Variants in BCL7B observed in about 807,000 individuals in gnomAD.
BCL7B encodes the protein B-cell CLL/lymphoma 7 protein family member B.
BCL7B carries 11 observed loss-of-function variants against 26.5 expected under a neutral mutation model. The ratio of observed to expected loss-of-function variants is 0.42; its 90% CI spans 0.26 to 0.69. The LOEUF is 0.69. Ranked by LOEUF, BCL7B falls within the 30% of genes least tolerant of loss-of-function variation. BCL7B has a pLI of 0.28. For synonymous variants in BCL7B, 111 were observed against 107.9 expected, an observed-to-expected ratio of 1.03 and a Z score of -0.18; for missense variants, 215 against 264.4, an observed-to-expected ratio of 0.81 and a Z score of 1.30.
At chr7:73,551,663 G>A (rs1792177859) in intron 2 of BCL7B, among the ~76,000 whole-genome samples, 1 of 152,138 alleles carries the variant, frequency 6.6e-6, no homozygotes, top group Admixed American at 6.5e-5. Flanking sequence ...GCTGTAGTTT[G>A]TCAAGCCCTG....
chr7:73,556,977 G>C (rs1792384577), intron 1 of BCL7B: 1 of 988,442 alleles, frequency 1.0e-6, no homozygotes, highest in Non-Finnish European at 1.2e-6. Flanking sequence ...GGGAAAGGGA[G>C]GGGTATCCCT....
Position 73,537,239 on chromosome 7 carries a change from G to A in BCL7B, c.*59C>T. On this transcript the variant is annotated 3_prime_UTR_variant, in exon 6 of 6. Coordinates refer to ENST00000223368, the MANE Select transcript of BCL7B (RefSeq NM_001707.4). ...GCCCTTACCCCAGCAACGCGGCGCG[G>A]CCAGAACCAGAATGCAATAAATAGA... 1.9e-6 allele frequency: 3 copies of A among 1,561,842 alleles called. No homozygotes were observed. Among genetic ancestry groups the A allele is most frequent in the Non-Finnish European group, 1.8e-6 (2 of 1,135,096 alleles).
intron 4 of BCL7B, among the ~76,000 whole-genome samples, chr7:73,538,968 T>G (rs574573078): frequency 2.0e-5 from 3 of 152,094 alleles, no homozygotes; most frequent in African/African-American, 7.2e-5. Context: ...AACCTTTCTC[T>G]GTTTTTTTTT....
Position 73,543,614 on chromosome 7 carries a change from C to T in BCL7B, c.199G>A (p.Ala67Thr), listed in dbSNP as rs1478709662. The T allele has an allele frequency of 1.2e-6, 2 of 1,613,612 alleles. No homozygotes were observed. Among genetic ancestry groups the T allele is most frequent in the African/African-American group, 2.7e-5 (2 of 74,838 alleles). Reference protein sequence around the residue: ...KEKSKSNSSAAREPNGFPSDA... With the variant: ...KEKSKSNSSATREPNGFPSDA... The stretch of plus-strand genomic sequence containing the variant: ...GAAGGAAAGCCATTAGGTTCTCGGG[C>T]TGCTGAACTGTTCGATTTTGACTTT... The change falls in exon 3 of 6, where the codon GCC becomes ACC. Residue 67 changes from alanine to threonine, a missense_variant. By Grantham distance (58) the Ala-to-Thr change is moderately conservative (BLOSUM62 0). Transcript: ENST00000223368.
chr7:73,540,828 T>A (rs1423584694), intron 3 of BCL7B, among the ~76,000 whole-genome samples: 2 of 2,134 alleles, frequency 9.4e-4, no homozygotes, highest in Non-Finnish European at 1.9e-3. Flanking sequence ...AGACTCTGTC[T>A]CAAAAAAAAA....
intron 1 of BCL7B, among the ~76,000 whole-genome samples, chr7:73,554,233 G>GA (rs1210847269): frequency 6.6e-6 from 1 of 151,720 alleles, no homozygotes; most frequent in African/African-American, 2.4e-5. Context: ...GAAGTGCTGG[G>GA]ATTACAGGTG....
intron 2 of BCL7B, 82 bp from the exon 3 acceptor site, chr7:73,543,726 A>T: frequency 1.8e-6 from 2 of 1,127,560 alleles, no homozygotes; most frequent in Non-Finnish European, 2.7e-6. Context: ...GTGACAGACC[A>T]CAGAGGTCTG....
At chr7:73,541,996 G>A (rs1035255277) in intron 3 of BCL7B, among the ~76,000 whole-genome samples, 2 of 152,150 alleles carry the variant, frequency 1.3e-5, no homozygotes, top group East Asian at 1.9e-4. Context: ...ACACAGCCCC[G>A]ACATCACTTC....
chr7:73,537,677 C>T (rs1159646877), intron 5 of BCL7B, among the ~76,000 whole-genome samples: 1 of 152,076 alleles, frequency 6.6e-6, no homozygotes, highest in African/African-American at 2.4e-5. Context: ...CACTTGGGCT[C>T]AGGAGTTCGA....
chr7:73,557,413 T>C, intron 1 of BCL7B, 74 bp downstream of exon 1: 1 of 967,244 alleles, frequency 1.0e-6, no homozygotes, highest in South Asian at 3.8e-5. Context: ...GGCTCCCACC[T>C]GACCCGCCAG....
chr7:73,552,146 T>C (rs986574285), intron 2 of BCL7B, 21 bp downstream of exon 2: 26 of 1,586,648 alleles, frequency 1.6e-5, no homozygotes, highest in Non-Finnish European at 2.1e-5. Flanking sequence ...ATGGTATCTT[T>C]TGATTTTCTT....
At chr7:73,551,912 G>A (rs1792187512) in intron 2 of BCL7B, among the ~76,000 whole-genome samples, 1 of 151,468 alleles carries the variant, frequency 6.6e-6, no homozygotes, top group Non-Finnish European at 1.5e-5. Flanking sequence ...TGACCAACAT[G>A]GTGAAACCCC....
At position 73,539,984 on chromosome 7, in the gene BCL7B, T is replaced by G; in HGVS notation, c.334A>C (p.Ser112Arg). ...GACTCACTCTGCTGGGGGCTGGGGC[T>G]TGAGTTGGTGCTGCTGTCCACCTTA... ...QLKVDSSTNSSPSPQQSESLS... is the reference protein window; with the variant it reads ...QLKVDSSTNSRPSPQQSESLS... The change falls in exon 4 of 6, where the codon AGC becomes CGC. Residue 112 changes from serine (S) to arginine (R), a missense_variant. Ser to Arg is a moderately radical substitution (Grantham distance 110). Transcript: ENST00000223368. The G allele has an allele frequency of 6.2e-7, 1 of 1,614,112 alleles. No homozygotes were observed. The highest frequency in any genetic ancestry group is 8.5e-7 in the Non-Finnish European group (1 of 1,180,024).
At chr7:73,552,281 CAATGT>C in intron 1 of BCL7B, 39 bp from the exon 2 acceptor site, 1 of 1,505,870 alleles carries the variant, frequency 6.6e-7, no homozygotes, top group Non-Finnish European at 9.2e-7. Flanking sequence ...TAAAACAATG[CAATGT>C]GTTTTCTGTT....
chr7:73,540,102 C>A, intron 3 of BCL7B, 50 bp from the exon 4 acceptor site: 1 of 1,579,126 alleles, frequency 6.3e-7, no homozygotes, highest in East Asian at 2.3e-5. Context: ...TCATTTTCCT[C>A]AAGAGGAACT....
intron 2 of BCL7B, among the ~76,000 whole-genome samples, chr7:73,544,558 G>A (rs1244484493): frequency 3.9e-5 from 6 of 152,120 alleles, no homozygotes; most frequent in African/African-American, 9.7e-5. Flanking sequence ...CCTGGGGGGT[G>A]GAAGTTGCAG....
rs570869341 is a variant in BCL7B, at chr7:73,556,570, C to G, written c.92+917G>C. ...TTTAATGTGATGACTCCGATACACA[C>G]CGATATAGTATGTATCGGAGTTCCG... On this transcript the variant is annotated intron_variant, in intron 1 of 5. Transcript: ENST00000223368. 2.0e-4 allele frequency among the ~76,000 whole-genome samples: 30 copies of G among 152,302 alleles called. No homozygotes were observed. The South Asian group carries it at 6.2e-3, about 32-fold the overall frequency.
At chr7:73,538,326 A>G in intron 4 of BCL7B, 1 of 255,738 alleles carries the variant, frequency 3.9e-6, no homozygotes, top group Non-Finnish European at 7.4e-6. Flanking sequence ...GAGAGTTGCT[A>G]TGAGGACGAG....
intron 3 of BCL7B, chr7:73,543,039 G>A (rs558438556): frequency 6.9e-6 from 2 of 289,294 alleles, no homozygotes; most frequent in South Asian, 6.1e-5. Flanking sequence ...ACCTCTCTGA[G>A]CCTCAGTTTC....
Sources: gnomAD v4.1 joint callset for allele counts (sites outside exome capture counted in the v4.1 genomes callset) on GRCh38, gnomAD v4.1.1 for gene constraint, MANE v1.5 for transcripts, NCBI Gene and HGNC (gene_info 2026-07-23, HGNC 2026-07-21) for gene names.